The following FARSB variants were observed in gnomAD, a reference collection of about 807,000 sequenced individuals.
The protein encoded by FARSB is phenylalanine--tRNA ligase beta subunit.
In FARSB, 40 loss-of-function variants were observed where a neutral mutation model predicts 69.6. That is an observed-to-expected ratio of 0.57 (90% CI 0.45 to 0.75). The LOEUF is 0.75. FARSB is among the 30% of genes least tolerant of loss of function. The probability of loss-of-function intolerance (pLI) is 0.00; values close to 1 mark genes in which losing one functional copy is unlikely to be tolerated. For synonymous variants in FARSB, 235 were observed against 247.2 expected, an observed-to-expected ratio of 0.95 and a Z score of 0.46; for missense variants, 632 against 722.9, an observed-to-expected ratio of 0.87 and a Z score of 1.44.
intron 1 of FARSB, among the ~76,000 whole-genome samples, chr2:222,655,712 G>C (rs936344714): frequency 2.0e-5 from 3 of 152,262 alleles, no homozygotes; most frequent in Admixed American, 1.3e-4. Context: ...GCAACCCCGG[G>C]TTTCCTTCCT....
chr2:222,602,813 C>T (rs1028267887), intron 15 of FARSB, among the ~76,000 whole-genome samples: 4 of 151,964 alleles, frequency 2.6e-5, no homozygotes, highest in Non-Finnish European at 4.4e-5. Flanking sequence ...TATTTCATCT[C>T]TCATTAGCAC....
intron 5 of FARSB, 140 bp downstream of exon 5, chr2:222,639,440 G>T: frequency 4.4e-6 from 2 of 455,964 alleles, no homozygotes; most frequent in Non-Finnish European, 4.0e-6. Context: ...TAAAAAATCT[G>T]CAGAGGAAGA....
At position 222,638,707 on chromosome 2, in the gene FARSB, C is replaced by G. The variant is rs187456112; in HGVS notation, c.455+873G>C. On this transcript the variant is annotated intron_variant, in intron 5 of 16. Transcript: ENST00000281828. ...CCCATACACATAAACCCCTCCTAGG[C>G]TCTACAGTTTACTAAACTACAATTA... Among the ~76,000 whole-genome samples the G allele has an allele frequency of 4.6e-5, 7 of 152,324 alleles. No homozygotes were observed. In the East Asian group the frequency reaches 1.3e-3, roughly 29 times the overall value.
intron 7 of FARSB, among the ~76,000 whole-genome samples, chr2:222,632,578 C>G (rs1414553868): frequency 6.6e-6 from 1 of 152,156 alleles, no homozygotes; most frequent in Non-Finnish European, 1.5e-5. Context: ...TAAATACATT[C>G]AAACTGCCTC....
At chr2:222,600,380 T>C (rs745993284) in intron 15 of FARSB, among the ~76,000 whole-genome samples, 4 of 152,196 alleles carry the variant, frequency 2.6e-5, no homozygotes, top group Non-Finnish European at 5.9e-5. Flanking sequence ...TTTACCAATA[T>C]ATCAGAGCCT....
At chr2:222,573,182 A>G (rs1365552426) in intron 16 of FARSB, among the ~76,000 whole-genome samples, 2 of 152,200 alleles carry the variant, frequency 1.3e-5, no homozygotes, top group African/African-American at 2.4e-5. Context: ...ACAATTACAT[A>G]TATTTCTTGA....
intron 15 of FARSB, among the ~76,000 whole-genome samples, chr2:222,605,373 T>C (rs925997206): frequency 2.0e-5 from 3 of 152,162 alleles, no homozygotes; most frequent in African/African-American, 7.2e-5. Flanking sequence ...TGAAACAACT[T>C]TGGAGTTCCA....
chr2:222,612,136 T>A (rs1429607947), intron 15 of FARSB, among the ~76,000 whole-genome samples: 1 of 152,188 alleles, frequency 6.6e-6, no homozygotes, highest in Non-Finnish European at 1.5e-5. Context: ...TTCTCAGTTA[T>A]CTCTACCAGT....
intron 16 of FARSB, among the ~76,000 whole-genome samples, chr2:222,592,332 A>T (rs1194120450): frequency 6.6e-6 from 1 of 152,132 alleles, no homozygotes; most frequent in East Asian, 1.9e-4. Flanking sequence ...CTTCTGGAGT[A>T]GAGCTGGAAC....
At chr2:222,589,770 A>G in intron 16 of FARSB, among the ~76,000 whole-genome samples, 1 of 152,240 alleles carries the variant, frequency 6.6e-6, no homozygotes, top group Admixed American at 6.5e-5. Flanking sequence ...AAAAATGCTC[A>G]TCATCACTGG....
At chr2:222,651,837 T>C (rs916338165) in intron 1 of FARSB, among the ~76,000 whole-genome samples, 1 of 152,182 alleles carries the variant, frequency 6.6e-6, no homozygotes, top group African/African-American at 2.4e-5. Flanking sequence ...GTAAGTAGAC[T>C]GAGAAAACCA....
chr2:222,635,843 G>C (rs1691564146), intron 5 of FARSB, among the ~76,000 whole-genome samples: 2 of 152,200 alleles, frequency 1.3e-5, no homozygotes, highest in African/African-American at 4.8e-5. Flanking sequence ...ACTTTGGGAG[G>C]CCAAGGCAGC....
At chr2:222,617,764 T>C (rs1691034000) in intron 14 of FARSB, among the ~76,000 whole-genome samples, 1 of 152,080 alleles carries the variant, frequency 6.6e-6, no homozygotes, top group Non-Finnish European at 1.5e-5. Flanking sequence ...ACACCTGTAA[T>C]CCCAGCTACT....
In FARSB at chr2:222,629,035, A is replaced by AG. The variant is rs543578092; in HGVS notation, c.849-148_849-147insC. 124 of 624,662 alleles carry AG rather than the reference A, an allele frequency of 2.0e-4. No individual in the cohort carries two copies. The African/African-American group carries it at 2.1e-3, about 11-fold the overall frequency. 38.7% of individuals were successfully genotyped at this position (624,662 alleles called of 1,614,324 possible). A position where few individuals can be genotyped will look rare whatever the true frequency, so the allele number is the denominator to read the frequency against. ...TCGCATTCCAGCACTGTTTGGATTG[A>AG]TCTTGCTATAAACAATAATACTCTA... On this transcript the variant is annotated intron_variant, in intron 9 of 16. Coordinates refer to ENST00000281828, the MANE Select transcript of FARSB (RefSeq NM_005687.5).
chr2:222,572,395 A>G (rs1457803170), intron 16 of FARSB, among the ~76,000 whole-genome samples: 1 of 152,168 alleles, frequency 6.6e-6, no homozygotes, highest in East Asian at 1.9e-4. Flanking sequence ...CATAAAACTG[A>G]TGAACTTAAT....
chr2:222,644,538 C>T (rs1441556133), intron 2 of FARSB: 1 of 454,668 alleles, frequency 2.2e-6, no homozygotes, highest in Non-Finnish European at 4.4e-6. Context: ...GAGTCACCTC[C>T]CAGGAGATGG....
intron 5 of FARSB, among the ~76,000 whole-genome samples, chr2:222,638,366 A>T (rs1255528458): frequency 1.3e-5 from 2 of 152,262 alleles, no homozygotes; most frequent in African/African-American, 4.8e-5. Context: ...ATGTCTGTTT[A>T]GATTAAAATA....
At chr2:222,655,588 C>G (rs1692152869) in intron 1 of FARSB, among the ~76,000 whole-genome samples, 1 of 152,158 alleles carries the variant, frequency 6.6e-6, no homozygotes, top group Non-Finnish European at 1.5e-5. Context: ...ATTAATAAAA[C>G]GAAGACAGGT....
At chr2:222,594,093 CAAAAAAAAAAAAAAA>C (rs33937937) in intron 16 of FARSB, among the ~76,000 whole-genome samples, 1 of 51,548 alleles carries the variant, frequency 1.9e-5, no homozygotes, top group Non-Finnish European at 3.1e-5. Flanking sequence ...CCCGCCTCTA[CAAAAAAAAAAAAAAA>C]AAAAAAAAAA....
Sources: gnomAD v4.1 joint callset for allele counts (sites outside exome capture counted in the v4.1 genomes callset) on GRCh38, gnomAD v4.1.1 for gene constraint, MANE v1.5 for transcripts, NCBI Gene and HGNC (gene_info 2026-07-23, HGNC 2026-07-21) for gene names.